Variants in OR2L13 observed in about 807,000 individuals in gnomAD.
OR2L13 encodes olfactory receptor family 2 subfamily L member 13, also known as olfactory receptor 2L13.
A neutral mutation model predicts 15.3 loss-of-function variants in OR2L13; 14 were observed. The observed-to-expected ratio is 0.91, with a 90% confidence interval of 0.60 to 1.43. The LOEUF (loss-of-function observed/expected upper bound fraction) is 1.43. Ranked by LOEUF, OR2L13 falls within the 40% of genes most tolerant of loss-of-function variation. The probability of loss-of-function intolerance (pLI) is 0.00; values close to 1 mark genes in which losing one functional copy is unlikely to be tolerated. For missense variants in OR2L13, 367 were observed against 387.9 expected (o/e 0.95, Z 0.45); for synonymous variants, 152 against 142.9 (o/e 1.06, Z -0.45).
the OR2L13 span, chr1:247,949,841 T>G: frequency 6.9e-7 from 1 of 1,454,932 alleles, no homozygotes; most frequent in Non-Finnish European, 9.5e-7. Flanking sequence ...ACACATCCAT[T>G]CAGCAGTGTA....
chr1:248,068,037 T>C, the OR2L13 span, among the ~76,000 whole-genome samples: 19,751 of 152,090 alleles, frequency 0.13, 3,920 homozygotes, highest in African/African-American at 0.43. Flanking sequence ...GGAGGCCTGC[T>C]TGCCTCTGTA....
chr1:248,084,238 G>A, the OR2L13 span: 9,877 of 1,611,000 alleles, frequency 6.1e-3, no homozygotes, highest in Non-Finnish European at 7.6e-3. Flanking sequence ...GCCGCATAGC[G>A]GTCATAGGCC....
the OR2L13 span, among the ~76,000 whole-genome samples, chr1:248,058,647 A>G: frequency 2.6e-5 from 4 of 151,716 alleles, no homozygotes; most frequent in African/African-American, 9.7e-5. Context: ...GAATTTTTAT[A>G]TAATATTTTT....
At chr1:247,978,220 C>T in the OR2L13 span, among the ~76,000 whole-genome samples, 10 of 152,254 alleles carry the variant, frequency 6.6e-5, no homozygotes, top group South Asian at 2.1e-4. Context: ...ACGAACCCAC[C>T]GGAAGGAACA....
At chr1:248,025,798 A>C in the OR2L13 span, among the ~76,000 whole-genome samples, 1 of 151,940 alleles carries the variant, frequency 6.6e-6, no homozygotes, top group African/African-American at 2.4e-5. Context: ...TGTCCTTTGT[A>C]GGGACATGGG....
the OR2L13 span, among the ~76,000 whole-genome samples, chr1:248,081,115 A>G: frequency 6.6e-6 from 1 of 152,216 alleles, no homozygotes; most frequent in Non-Finnish European, 1.5e-5. Context: ...CTGAAAGCTA[A>G]CCCACCATTT....
the OR2L13 span, among the ~76,000 whole-genome samples, chr1:247,969,650 A>T: frequency 6.6e-6 from 1 of 152,210 alleles, no homozygotes; most frequent in African/African-American, 2.4e-5. Flanking sequence ...TTCTGCCAGG[A>T]TTAAATATCT....
At chr1:248,038,619 G>C in the OR2L13 span, 1 of 1,614,066 alleles carries the variant, frequency 6.2e-7, no homozygotes, top group South Asian at 1.1e-5. Context: ...GACATCAATG[G>C]CCTATGATCG....
chr1:247,949,761 C>T, the OR2L13 span: 25 of 1,612,240 alleles, frequency 1.6e-5, no homozygotes, highest in Admixed American at 3.3e-5. Context: ...GGCCCTGACA[C>T]GAGTGAGTCA....
chr1:247,978,362 C>T, the OR2L13 span, among the ~76,000 whole-genome samples: 1 of 152,194 alleles, frequency 6.6e-6, no homozygotes, highest in African/African-American at 2.4e-5. Flanking sequence ...AATCCTCCTC[C>T]CTTGGTCTCC....
the OR2L13 span, among the ~76,000 whole-genome samples, chr1:247,970,492 A>G: frequency 6.6e-6 from 1 of 151,950 alleles, no homozygotes; most frequent in African/African-American, 2.4e-5. Flanking sequence ...TTGTGTGTAT[A>G]TAGGATTTTT....
At chr1:248,076,843 T>C in the OR2L13 span, among the ~76,000 whole-genome samples, 14 of 152,122 alleles carry the variant, frequency 9.2e-5, no homozygotes, top group African/African-American at 2.7e-4. Context: ...TTTCTTTCTC[T>C]TGCCTAATTG....
chr1:248,093,621 TA>T (rs1431759826), upstream of OR2L13, among the ~76,000 whole-genome samples: 1 of 152,224 alleles, frequency 6.6e-6, no homozygotes, highest in African/African-American at 2.4e-5. Flanking sequence ...TTGCATCCAG[TA>T]TTTATTGAGT....
the OR2L13 span, chr1:248,022,034 C>T: frequency 6.2e-7 from 1 of 1,613,966 alleles, no homozygotes; most frequent in East Asian, 2.2e-5. Flanking sequence ...TCTTCATTCT[C>T]TTTGTTCTCA....
the OR2L13 span, chr1:248,038,307 T>C: frequency 1.2e-5 from 20 of 1,613,190 alleles, no homozygotes; most frequent in Admixed American, 3.3e-5. Flanking sequence ...TTTCATCTTA[T>C]TGGGGCTGTT....
chr1:248,065,642 T>A, the OR2L13 span, among the ~76,000 whole-genome samples: 7 of 140,398 alleles, frequency 5.0e-5, no homozygotes, highest in Non-Finnish European at 1.1e-4. Flanking sequence ...TGTCCATGTG[T>A]TCTCATTGTT....
the OR2L13 span, among the ~76,000 whole-genome samples, chr1:247,976,472 G>T: frequency 9.7e-5 from 14 of 144,484 alleles, no homozygotes; most frequent in African/African-American, 3.2e-4. Flanking sequence ...ATTATATATT[G>T]AAAATTTGCT....
At chr1:247,991,212 C>T in the OR2L13 span, 17 of 1,545,492 alleles carry the variant, frequency 1.1e-5, no homozygotes, top group East Asian at 1.2e-4. Context: ...TATAGACATA[C>T]GTTCTGCCTT....
chr1:247,938,075 T>C, the OR2L13 span, among the ~76,000 whole-genome samples: 32 of 152,280 alleles, frequency 2.1e-4, no homozygotes, highest in Admixed American at 5.2e-4. Flanking sequence ...TATCTTCTAA[T>C]AATACAACTA....
Sources: allele counts gnomAD v4.1 joint callset (sites outside exome capture counted in the v4.1 genomes callset), GRCh38; gene constraint gnomAD v4.1.1; transcripts MANE v1.5; gene names NCBI Gene and HGNC (gene_info 2026-07-23, HGNC 2026-07-21).